Variants in OSBPL10 observed in about 807,000 individuals in gnomAD.
The protein encoded by OSBPL10 is oxysterol-binding protein-related protein 10.
OSBPL10 carries 49 observed loss-of-function variants against 81.7 expected under a neutral mutation model. That is an observed-to-expected ratio of 0.60 (90% CI 0.48 to 0.76). The LOEUF is 0.76. OSBPL10 is among the 30% of genes least tolerant of loss of function. The pLI, the probability that OSBPL10 is intolerant of heterozygous loss-of-function variation, is 0.00. For synonymous variants in OSBPL10, 419 were observed against 383.6 expected (o/e 1.09, Z -1.08); for missense variants, 923 against 987.8 (o/e 0.93, Z 0.88).
At chr3:31,662,556 G>A in intron 11 of OSBPL10, 1 of 988,550 alleles carries the variant, frequency 1.0e-6, no homozygotes, top group Non-Finnish European at 1.2e-6. Context: ...AAACAAATCA[G>A]CACACACAAG....
At chr3:31,695,489 TAG>T (rs978930367) in intron 7 of OSBPL10, among the ~76,000 whole-genome samples, 7 of 152,128 alleles carry the variant, frequency 4.6e-5, no homozygotes, top group Non-Finnish European at 8.8e-5. Context: ...ACTCCCAGTA[TAG>T]AGTCCCTGGC....
At chr3:31,707,496 G>C (rs915292365) in intron 6 of OSBPL10, 5 of 152,176 alleles carry the variant, frequency 3.3e-5, no homozygotes, top group African/African-American at 9.7e-5. Flanking sequence ...CCCACACACT[G>C]TTAACTTGGC....
In OSBPL10 at chr3:31,833,705, G is replaced by GCACACGCA. The variant is rs1553631715; in HGVS notation, c.538-3475_538-3474insTGCGTGTG. ...GTAGGGAAAACACGCACACGCACAC[G>GCACACGCA]CACACACACACACACACACACACAC... is the stretch of plus-strand genomic sequence containing the variant. On this transcript the variant is annotated intron_variant, in intron 3 of 11. Transcript: ENST00000396556. Among the ~76,000 whole-genome samples, 10 of 138,040 alleles carry GCACACGCA rather than the reference G, an allele frequency of 7.2e-5. No homozygotes were observed. In the East Asian group the frequency reaches 1.1e-3, roughly 15 times the overall value. 90.6% of individuals were successfully genotyped at this position (138,040 alleles called of 152,430 possible).
At chr3:31,818,830 G>C (rs1371388599) in intron 4 of OSBPL10, among the ~76,000 whole-genome samples, 1 of 152,138 alleles carries the variant, frequency 6.6e-6, no homozygotes, top group Non-Finnish European at 1.5e-5. Flanking sequence ...CAGGTTAGAG[G>C]AATCACAAGG....
At chr3:31,693,673 G>A (rs1000696402) in intron 7 of OSBPL10, among the ~76,000 whole-genome samples, 2 of 152,150 alleles carry the variant, frequency 1.3e-5, no homozygotes, top group African/African-American at 4.8e-5. Context: ...ATTTTCTACG[G>A]CTGCCTTTGT....
intron 4 of OSBPL10, among the ~76,000 whole-genome samples, chr3:31,826,304 C>T (rs1357644075): frequency 6.6e-6 from 1 of 152,148 alleles, no homozygotes; most frequent in African/African-American, 2.4e-5. Context: ...CAAACAGTTG[C>T]CTTAATTTTC....
At chr3:31,876,594 G>A (rs978316705) in intron 2 of OSBPL10, 82 bp from the exon 3 acceptor site, 4 of 1,175,344 alleles carry the variant, frequency 3.4e-6, no homozygotes, top group Admixed American at 1.8e-5. Flanking sequence ...CCCACCTAAG[G>A]GGGTGGGGAG....
intron 4 of OSBPL10, among the ~76,000 whole-genome samples, chr3:31,759,966 T>C (rs574972477): frequency 7.2e-5 from 11 of 152,330 alleles, no homozygotes; most frequent in African/African-American, 2.6e-4. Flanking sequence ...TTTGCCATGT[T>C]GGCCAGGCTG....
rs371224530 is a variant in OSBPL10, at chr3:31,905,841, CA to C, written c.282-26012del. Among the ~76,000 whole-genome samples the C allele has an allele frequency of 4.9e-5, 7 of 143,250 alleles. 1 individual carries two copies. In the South Asian group the frequency reaches 1.1e-3, roughly 23 times the overall value. The allele number at this position is 143,250 out of a possible 152,430, so 94.0% of individuals were successfully genotyped here. On this transcript the variant is annotated intron_variant, in intron 1 of 11. Transcript: ENST00000396556. ...AGCAAGACAATAAAACATTCCCTGA[CA>C]AAAAAAAACCTATCACTTGATTAAT...
At chr3:31,688,475 T>C (rs1700856116) in intron 7 of OSBPL10, among the ~76,000 whole-genome samples, 1 of 151,986 alleles carries the variant, frequency 6.6e-6, no homozygotes, top group African/African-American at 2.4e-5. Flanking sequence ...CTCACACATA[T>C]CTCCACCTGC....
chr3:31,975,585 G>A (rs1392087250), intron 1 of OSBPL10, among the ~76,000 whole-genome samples: 2 of 152,146 alleles, frequency 1.3e-5, no homozygotes, highest in Non-Finnish European at 2.9e-5. Flanking sequence ...GTGAGTTGTG[G>A]TGGGCCCTAA....
chr3:31,990,809 A>C (rs1699018677), intron 2 of OSBPL10: 2 of 1,605,460 alleles, frequency 1.2e-6, no homozygotes, highest in Non-Finnish European at 1.7e-6. Context: ...GCCTTCAGTC[A>C]AGCTTCATCT....
intron 1 of OSBPL10, among the ~76,000 whole-genome samples, chr3:31,965,022 A>G (rs1698275120): frequency 6.6e-6 from 1 of 152,156 alleles, no homozygotes; most frequent in South Asian, 2.1e-4. Flanking sequence ...TGACAACCAA[A>G]TACATATTCT....
chr3:31,727,157 T>C (rs1696834704), intron 6 of OSBPL10, among the ~76,000 whole-genome samples: 1 of 152,190 alleles, frequency 6.6e-6, no homozygotes, highest in South Asian at 2.1e-4. Flanking sequence ...ATTTGAGCTA[T>C]TAATTGTAGG....
intron 2 of OSBPL10, among the ~76,000 whole-genome samples, chr3:32,023,656 C>A (rs965702164): frequency 6.6e-6 from 1 of 152,126 alleles, no homozygotes; most frequent in South Asian, 2.1e-4. Flanking sequence ...GTCTTAGAAC[C>A]GCTGGTGAAA....
At chr3:31,831,338 G>A (rs1322030444) in intron 3 of OSBPL10, among the ~76,000 whole-genome samples, 17 of 151,640 alleles carry the variant, frequency 1.1e-4, no homozygotes, top group Admixed American at 4.6e-4. Context: ...CCCAGGAGGC[G>A]GAGGTTGCAG....
intron 7 of OSBPL10, 68 bp downstream of exon 7, chr3:31,702,291 G>A: frequency 6.5e-7 from 1 of 1,547,716 alleles, no homozygotes; most frequent in Non-Finnish European, 8.8e-7. Flanking sequence ...AATGTGCATA[G>A]AGAAGGCTTG....
intron 4 of OSBPL10, among the ~76,000 whole-genome samples, chr3:31,804,430 C>T (rs72861325): frequency 0.012 from 1,805 of 152,258 alleles, 40 homozygotes; most frequent in African/African-American, 0.041. Flanking sequence ...CACTGACTTA[C>T]AAGTAAGCAA....
intron 1 of OSBPL10, among the ~76,000 whole-genome samples, chr3:32,053,940 C>T (rs888206914): frequency 1.3e-5 from 2 of 152,120 alleles, no homozygotes; most frequent in African/African-American, 4.8e-5. Flanking sequence ...TGCACTCCAG[C>T]CTGGGCAACA....
Sources: allele counts gnomAD v4.1 joint callset (sites outside exome capture counted in the v4.1 genomes callset), GRCh38; gene constraint gnomAD v4.1.1; transcripts MANE v1.5; gene names NCBI Gene and HGNC (gene_info 2026-07-23, HGNC 2026-07-21).